The following NAV2 variants were observed in gnomAD, a reference collection of about 807,000 sequenced individuals.
The protein encoded by NAV2 is helicase, APC down-regulated 1.
NAV2 carries 54 observed loss-of-function variants against 223.2 expected under a neutral mutation model. The ratio of observed to expected loss-of-function variants is 0.24; its 90% CI spans 0.19 to 0.30. NAV2 has a LOEUF of 0.30. NAV2 is among the 10% of genes least tolerant of loss of function. The probability of loss-of-function intolerance (pLI) is 1.00; values close to 1 mark genes in which losing one functional copy is unlikely to be tolerated. For synonymous variants in NAV2, 1,279 were observed against 1,239.3 expected, an observed-to-expected ratio of 1.03 and a Z score of -0.67; for missense variants, 2,806 against 3,147.5, an observed-to-expected ratio of 0.89 and a Z score of 2.60.
At chr11:19,859,629 A>T (rs1187629175) in intron 3 of NAV2, among the ~76,000 whole-genome samples, 1 of 152,032 alleles carries the variant, frequency 6.6e-6, no homozygotes, top group Non-Finnish European at 1.5e-5. Flanking sequence ...CATCGTCATC[A>T]TGGCCCGTTC....
At chr11:19,505,881 C>G (rs1476594093) in intron 1 of NAV2, 1 of 152,148 alleles carries the variant, frequency 6.6e-6, no homozygotes, top group Non-Finnish European at 1.5e-5. Flanking sequence ...AGGTGAGACA[C>G]AAGGAAGCGA....
At chr11:19,439,740 C>T (rs1204468811) in intron 1 of NAV2, among the ~76,000 whole-genome samples, 1 of 152,200 alleles carries the variant, frequency 6.6e-6, no homozygotes, top group Non-Finnish European at 1.5e-5. Context: ...ATGCAATTTC[C>T]TAGGTAACTG....
In NAV2 at chr11:19,383,084, G is replaced by A. The variant is rs143037507; in HGVS notation, c.75+32057G>A. ...TTTGTGGATTTTTCTTGTTAACTGA[G>A]GCTTAGGAAGAAATCCCATTTGCCT... is the stretch of plus-strand genomic sequence containing the variant. On this transcript the variant is annotated intron_variant, in intron 1 of 37. Coordinates refer to the NAV2 transcript ENST00000360655. Among the ~76,000 whole-genome samples the A allele has an allele frequency of 2.7e-3, 406 of 152,252 alleles. 5 individuals are homozygous for A. Among genetic ancestry groups the A allele is most frequent in the African/African-American group, 9.3e-3 (385 of 41,542 alleles).
chr11:19,950,702 C>A (rs1250250719), intron 10 of NAV2, among the ~76,000 whole-genome samples: 2 of 152,194 alleles, frequency 1.3e-5, no homozygotes, highest in African/African-American at 2.4e-5. Flanking sequence ...AAAATTTCCC[C>A]TTTACCCTCT....
In NAV2 at chr11:20,054,165, G is replaced by A. The variant is rs767763578; in HGVS notation, c.4567G>A (p.Ala1523Thr). The change falls in exon 18 of 38, where the codon GCT becomes ACT. Residue 1523 changes from alanine (A) to threonine (T), a missense_variant. Ala to Thr is a moderately conservative substitution (Grantham distance 58, BLOSUM62 0). Coordinates refer to ENST00000349880, the MANE Select transcript of NAV2 (RefSeq NM_145117.5). ...SHSAGGLQDT[A>T]ANSPFSSGSS... Reference sequence around the variant, plus strand: ...TTCTGCAGGAGGCCTTCAGGACACCGCTGCCAATTCCCCCTTTTCCTCTGG... The same window carrying A: ...TTCTGCAGGAGGCCTTCAGGACACCACTGCCAATTCCCCCTTTTCCTCTGG... 3.1e-6 allele frequency: 5 copies of A among 1,613,558 alleles called. No individual in the cohort carries two copies. Among genetic ancestry groups the A allele is most frequent in the South Asian group, 2.2e-5 (2 of 90,920 alleles).
intron 1 of NAV2, among the ~76,000 whole-genome samples, chr11:19,802,741 GT>G (rs1420041310): frequency 6.7e-6 from 1 of 148,834 alleles, no homozygotes; most frequent in Non-Finnish European, 1.5e-5. Context: ...TTACACCAAT[GT>G]TTTTTCATCC....
chr11:19,618,244 TGCTG>T (rs1193665694), intron 1 of NAV2, among the ~76,000 whole-genome samples: 1 of 137,926 alleles, frequency 7.3e-6, no homozygotes, highest in Non-Finnish European at 1.6e-5. Flanking sequence ...ATGGATGGAT[TGCTG>T]GCTGGCTGGC....
chr11:19,658,480 G>A (rs923672489), intron 1 of NAV2, among the ~76,000 whole-genome samples: 1 of 152,108 alleles, frequency 6.6e-6, no homozygotes, highest in African/African-American at 2.4e-5. Context: ...TCTTTGCATG[G>A]TACCAGTGTT....
chr11:19,350,761 G>A, exon 1 of NAV2: 1 of 601,998 alleles, frequency 1.7e-6, no homozygotes, highest in Admixed American at 2.7e-5. Flanking sequence ...CATTGCAAAG[G>A]CAGTGGTGCC....
intron 1 of NAV2, among the ~76,000 whole-genome samples, chr11:19,685,676 T>C (rs1689037547): frequency 6.6e-6 from 1 of 152,228 alleles, no homozygotes; most frequent in Admixed American, 6.5e-5. Context: ...GAATTGCAGC[T>C]GAAGACTTGG....
At chr11:19,544,563 C>T (rs1304973482) in intron 1 of NAV2, among the ~76,000 whole-genome samples, 1 of 152,156 alleles carries the variant, frequency 6.6e-6, no homozygotes, top group Non-Finnish European at 1.5e-5. Context: ...CACATTCCAC[C>T]CTTGAACACC....
At chr11:20,104,139 T>C (rs938713539) in intron 34 of NAV2, 6 of 200,506 alleles carry the variant, frequency 3.0e-5, no homozygotes, top group Non-Finnish European at 6.1e-5. Context: ...ACCTAAAATG[T>C]CCCCACCTAG....
At chr11:19,641,588 A>G (rs1271523183) in intron 1 of NAV2, among the ~76,000 whole-genome samples, 2 of 151,302 alleles carry the variant, frequency 1.3e-5, no homozygotes, top group East Asian at 3.9e-4. Flanking sequence ...TTCCACTTCC[A>G]TTTTTGCTTA....
chr11:19,843,695 A>G (rs1439631903), intron 3 of NAV2, among the ~76,000 whole-genome samples: 1 of 152,072 alleles, frequency 6.6e-6, no homozygotes, highest in Non-Finnish European at 1.5e-5. Flanking sequence ...CCTATTTAAA[A>G]CATGAAGGTG....
chr11:19,642,601 A>G (rs1863258), intron 1 of NAV2, among the ~76,000 whole-genome samples: 129,026 of 151,798 alleles, frequency 0.85, 56,401 homozygotes, highest in East Asian at 0.95. Flanking sequence ...AAGGCGCTGT[A>G]CATGGAGTCA....
chr11:19,755,805 C>T (rs927935393), intron 1 of NAV2, among the ~76,000 whole-genome samples: 1 of 152,130 alleles, frequency 6.6e-6, no homozygotes, highest in Non-Finnish European at 1.5e-5. Context: ...GTTCTAGAGG[C>T]CAAAGAAGAG....
intron 1 of NAV2, among the ~76,000 whole-genome samples, chr11:19,818,283 A>G (rs1252870625): frequency 9.1e-6 from 1 of 110,380 alleles, no homozygotes; most frequent in Non-Finnish European, 1.7e-5. Context: ...ACCTGTCTAT[A>G]CTCAGTGACG....
At chr11:19,892,092 G>C (rs2041546169) in intron 5 of NAV2, among the ~76,000 whole-genome samples, 1 of 152,128 alleles carries the variant, frequency 6.6e-6, no homozygotes, top group Non-Finnish European at 1.5e-5. Flanking sequence ...CCAATTAGCT[G>C]GGATTATAGG....
intron 1 of NAV2, among the ~76,000 whole-genome samples, chr11:19,395,762 A>G (rs1849424133): frequency 6.6e-6 from 1 of 151,972 alleles, no homozygotes; most frequent in Non-Finnish European, 1.5e-5. Flanking sequence ...TCCCTTCCTC[A>G]TGGTCTCTGA....
Sources: gnomAD v4.1 joint callset for allele counts (sites outside exome capture counted in the v4.1 genomes callset) on GRCh38, gnomAD v4.1.1 for gene constraint, MANE v1.5 for transcripts, NCBI Gene and HGNC (gene_info 2026-07-23, HGNC 2026-07-21) for gene names.